The following ARHGAP24 variants were observed in gnomAD, a reference collection of about 807,000 sequenced individuals.
ARHGAP24 encodes Rho GTPase activating protein 24, also known as rho GTPase-activating protein 24.
In ARHGAP24, 50 loss-of-function variants were observed where a neutral mutation model predicts 76.4. The observed-to-expected ratio is 0.65, with a 90% CI of 0.52 to 0.83. The LOEUF is 0.83. ARHGAP24 is among the 40% of genes least tolerant of loss of function. The pLI is 0.00. For synonymous variants in ARHGAP24, 345 were observed against 323.3 expected, an observed-to-expected ratio of 1.07 and a Z score of -0.72; for missense variants, 930 against 914.2, an observed-to-expected ratio of 1.02 and a Z score of -0.22.
At chr4:85,527,259 C>A (rs966846309) in intron 1 of ARHGAP24, among the ~76,000 whole-genome samples, 3 of 152,198 alleles carry the variant, frequency 2.0e-5, no homozygotes, top group Admixed American at 2.0e-4. Context: ...TTCAGTATAA[C>A]TCTAGCTTGT....
chr4:85,749,537 C>T (rs1387775508), intron 3 of ARHGAP24, among the ~76,000 whole-genome samples: 2 of 152,120 alleles, frequency 1.3e-5, no homozygotes, highest in Non-Finnish European at 2.9e-5. Flanking sequence ...AAAACTACAA[C>T]CCCCACAGAT....
chr4:85,951,796 C>G (rs976990316), intron 5 of ARHGAP24, among the ~76,000 whole-genome samples: 1 of 151,948 alleles, frequency 6.6e-6, no homozygotes, highest in African/African-American at 2.4e-5. Context: ...TTATTAAAAC[C>G]TAGAAAGAAG....
chr4:85,593,742 T>A (rs1445076498), intron 2 of ARHGAP24, among the ~76,000 whole-genome samples: 3 of 152,186 alleles, frequency 2.0e-5, no homozygotes, highest in Non-Finnish European at 2.9e-5. Context: ...TCAACACCTT[T>A]GTCAAAAAGG....
At chr4:85,581,638 CT>C (rs1057052933) in intron 2 of ARHGAP24, among the ~76,000 whole-genome samples, 4 of 152,118 alleles carry the variant, frequency 2.6e-5, no homozygotes, top group African/African-American at 9.7e-5. Flanking sequence ...CATTCATAAT[CT>C]TCTCCAGGGA....
chr4:85,754,528 G>C (rs1401315304), intron 3 of ARHGAP24, among the ~76,000 whole-genome samples: 6 of 152,140 alleles, frequency 3.9e-5, no homozygotes, highest in Non-Finnish European at 2.9e-5. Flanking sequence ...TCTATGGAAA[G>C]ACACAGATTG....
intron 2 of ARHGAP24, among the ~76,000 whole-genome samples, chr4:85,648,522 C>T (rs12640411): frequency 0.33 from 49,441 of 151,732 alleles, 9,159 homozygotes; most frequent in East Asian, 0.84. Context: ...GTTTTGGAAA[C>T]AGATACATGA....
intron 5 of ARHGAP24, among the ~76,000 whole-genome samples, chr4:85,970,399 C>A (rs538371066): frequency 2.6e-5 from 4 of 152,278 alleles, no homozygotes; most frequent in Admixed American, 6.5e-5. Flanking sequence ...ATTTTGTAAT[C>A]ACATACTTGT....
intron 3 of ARHGAP24, among the ~76,000 whole-genome samples, chr4:85,874,588 A>G (rs1460093964): frequency 6.6e-6 from 1 of 151,796 alleles, no homozygotes; most frequent in African/African-American, 2.4e-5. Context: ...TTCTGGGGAA[A>G]GTCATGTGAA....
chr4:85,921,650 G>A (rs554979890), intron 3 of ARHGAP24, among the ~76,000 whole-genome samples: 4 of 152,064 alleles, frequency 2.6e-5, no homozygotes, highest in African/African-American at 7.2e-5. Flanking sequence ...CTTTGACTTC[G>A]AAATCTATGC....
At chr4:85,925,533 C>T (rs346519) in intron 4 of ARHGAP24, among the ~76,000 whole-genome samples, 99,996 of 151,990 alleles carry the variant, frequency 0.66, 33,860 homozygotes, top group East Asian at 0.99. Flanking sequence ...CCAAGAGCTA[C>T]AGTACAATGA....
intron 8 of ARHGAP24, among the ~76,000 whole-genome samples, chr4:85,993,421 C>T (rs552762096): frequency 5.3e-5 from 8 of 152,056 alleles, no homozygotes; most frequent in African/African-American, 1.7e-4. Context: ...GATATGCAGT[C>T]GAAAATATTA....
intron 3 of ARHGAP24, among the ~76,000 whole-genome samples, chr4:85,868,873 G>A (rs1350621115): frequency 2.0e-5 from 3 of 151,826 alleles, no homozygotes; most frequent in African/African-American, 4.8e-5. Flanking sequence ...CTCATTTCTA[G>A]TCATCTTTCA....
At chr4:85,713,031 C>T (rs1724584996) in intron 2 of ARHGAP24, among the ~76,000 whole-genome samples, 1 of 152,186 alleles carries the variant, frequency 6.6e-6, no homozygotes, top group South Asian at 2.1e-4. Context: ...GGCGTGGTGG[C>T]TCACGCCTAT....
At chr4:85,897,624 C>A (rs1485881125) in intron 3 of ARHGAP24, among the ~76,000 whole-genome samples, 1 of 152,234 alleles carries the variant, frequency 6.6e-6, no homozygotes, top group African/African-American at 2.4e-5. Flanking sequence ...CTGAAGCCAG[C>A]AGCTTTACAG....
chr4:85,897,810 A>C (rs180862562), intron 3 of ARHGAP24, among the ~76,000 whole-genome samples: 126 of 151,962 alleles, frequency 8.3e-4, no homozygotes, highest in Non-Finnish European at 1.5e-3. Context: ...ATGGATGGGC[A>C]GTCATAGCTT....
intron 2 of ARHGAP24, among the ~76,000 whole-genome samples, chr4:85,618,060 T>C (rs1307600104): frequency 6.6e-6 from 1 of 152,208 alleles, no homozygotes; most frequent in Non-Finnish European, 1.5e-5. Flanking sequence ...TTATTTACTA[T>C]AGTATCCATG....
intron 3 of ARHGAP24, among the ~76,000 whole-genome samples, chr4:85,731,047 G>GTGTGTGTGTGTATATATACATATA (rs1560606071): frequency 2.0e-5 from 3 of 149,908 alleles, no homozygotes; most frequent in African/African-American, 7.3e-5. Context: ...GACTGGGCAT[G>GTGTGTGTGTGTATATATACATATA]TGTGTGTGTG....
chr4:85,492,296 T>C (rs796887689), intron 1 of ARHGAP24, among the ~76,000 whole-genome samples: 3 of 152,168 alleles, frequency 2.0e-5, no homozygotes, highest in African/African-American at 7.2e-5. Context: ...GCTATCCTGG[T>C]CGATATCTTC....
intron 4 of ARHGAP24, among the ~76,000 whole-genome samples, chr4:85,935,147 A>T (rs1736559401): frequency 6.6e-6 from 1 of 152,220 alleles, no homozygotes; most frequent in Non-Finnish European, 1.5e-5. Flanking sequence ...ATGAAAATGG[A>T]TTTGCCCAAC....
Sources: gnomAD v4.1 joint callset for allele counts (sites outside exome capture counted in the v4.1 genomes callset) on GRCh38, gnomAD v4.1.1 for gene constraint, MANE v1.5 for transcripts, NCBI Gene and HGNC (gene_info 2026-07-23, HGNC 2026-07-21) for gene names.